The following ARHGEF10 variants were observed in gnomAD, a reference collection of about 807,000 sequenced individuals.
ARHGEF10 encodes Rho guanine nucleotide exchange factor (GEF) 10.
A neutral mutation model predicts 147.4 loss-of-function variants in ARHGEF10; 140 were observed. The ratio of observed to expected loss-of-function variants is 0.95; its 90% CI spans 0.83 to 1.09. The LOEUF (loss-of-function observed/expected upper bound fraction) is 1.09. Among genes scored for constraint, ARHGEF10 ranks in the 50% least tolerant of loss-of-function variants. The pLI, the probability that ARHGEF10 is intolerant of heterozygous loss-of-function variation, is 0.00. For synonymous variants in ARHGEF10, 902 were observed against 695.8 expected, an observed-to-expected ratio of 1.30 and a Z score of -4.67; for missense variants, 2,222 against 1,752.7, an observed-to-expected ratio of 1.27 and a Z score of -4.78.
intron 18 of ARHGEF10, among the ~76,000 whole-genome samples, chr8:1,917,043 T>A (rs149189172): frequency 6.6e-6 from 1 of 152,256 alleles, no homozygotes; most frequent in African/African-American, 2.4e-5. Context: ...TTCCTCATGA[T>A]TGAAACTGAG....
rs748666834 is a variant in ARHGEF10 at position 1,896,490 on chromosome 8, G to T, written c.1557+41G>T. The T allele has an allele frequency of 2.0e-5, 27 of 1,361,250 alleles. 1 individual carries two copies. Among genetic ancestry groups the T allele is most frequent in the Middle Eastern group, 1.8e-4 (1 of 5,576 alleles). 84.3% of individuals were successfully genotyped at this position (1,361,250 alleles called of 1,614,324 possible). ...TTTCATTTGGGTTTTAACACCATCT[G>T]ATAACAAGTTACATGTCAAAGCTTG... On this transcript the variant is annotated intron_variant, in intron 14 of 28. Coordinates refer to ENST00000349830, the MANE Select transcript of ARHGEF10 (RefSeq NM_014629.4).
chr8:1,864,332 G>A (rs752266872), intron 4 of ARHGEF10, 41 bp from the exon 5 acceptor site: 4 of 1,601,674 alleles, frequency 2.5e-6, no homozygotes, highest in Admixed American at 1.7e-5. Context: ...GAGCATTTTT[G>A]TCAGGCGTAA....
At chr8:1,939,946 A>G (rs1813946287) in intron 26 of ARHGEF10, among the ~76,000 whole-genome samples, 2 of 152,208 alleles carry the variant, frequency 1.3e-5, no homozygotes, top group Admixed American at 6.5e-5. Context: ...GACGGTGCTG[A>G]GCCATTGAAG....
intron 1 of ARHGEF10, among the ~76,000 whole-genome samples, chr8:1,828,821 A>C (rs1330322460): frequency 1.3e-5 from 2 of 151,946 alleles, no homozygotes; most frequent in African/African-American, 2.4e-5. Flanking sequence ...ATGCACACTT[A>C]CGGTTTTAAG....
At chr8:1,950,539 T>G (rs1814948045) in intron 27 of ARHGEF10, among the ~76,000 whole-genome samples, 2 of 151,976 alleles carry the variant, frequency 1.3e-5, no homozygotes, top group African/African-American at 4.8e-5. Flanking sequence ...TATTTATTTA[T>G]TTATTTATTT....
chr8:1,935,512 C>T (rs1013785931), intron 26 of ARHGEF10, among the ~76,000 whole-genome samples: 1 of 152,212 alleles, frequency 6.6e-6, no homozygotes, highest in Non-Finnish European at 1.5e-5. Context: ...TTCAGATTGA[C>T]AGAAGGTAAA....
At chr8:1,884,669 G>T (rs1377204129) in intron 10 of ARHGEF10, among the ~76,000 whole-genome samples, 1 of 152,122 alleles carries the variant, frequency 6.6e-6, no homozygotes, top group Non-Finnish European at 1.5e-5. Context: ...AAAAACTCAG[G>T]TTTCTATCAT....
rs577370213 is a variant in ARHGEF10, at chr8:1,853,443, A to ATCTCCTGAGATGCTT, written c.38-4514_38-4500dup. Among the ~76,000 whole-genome samples the ATCTCCTGAGATGCTT allele has an allele frequency of 2.7e-4, 41 of 152,376 alleles. 1 individual carries two copies. The South Asian group carries it at 7.9e-3, about 29-fold the overall frequency. ...GTCGTCTCAAACTACAACACGTTGT[A>ATCTCCTGAGATGCTT]TCTCCTGAGATGCTTTCAGCAGCCC... On this transcript the variant is annotated intron_variant, in intron 2 of 28. Transcript: ENST00000349830.
At chr8:1,947,231 G>A (rs772202142) in intron 27 of ARHGEF10, among the ~76,000 whole-genome samples, 17 of 152,100 alleles carry the variant, frequency 1.1e-4, no homozygotes, top group Non-Finnish European at 1.9e-4. Flanking sequence ...AGGTGAGGAG[G>A]GTGTTATGAG....
rs766013476 is a variant in ARHGEF10 at position 1,929,325 on chromosome 8, G to C, written c.2961G>C (p.Val987=). 1 of 1,614,004 alleles carries C rather than the reference G, an allele frequency of 6.2e-7. No homozygotes were observed. The highest frequency in any genetic ancestry group is 8.5e-7 in the Non-Finnish European group (1 of 1,180,046). The change falls in exon 25 of 29, where the codon GTG becomes GTC. Residue 987 remains valine (V), a synonymous_variant. Transcript: ENST00000349830. ...IYKSSQGSKK[V]RLQHFFTPEK... is the part of the protein sequence containing the mutation. ...AAAGCAGTCAAGGCTCCAAGAAAGTGAGACTTCAGCACTTTTTCACTCCTG... is the reference window on the plus strand; with the variant it reads ...AAAGCAGTCAAGGCTCCAAGAAAGTCAGACTTCAGCACTTTTTCACTCCTG...
intron 8 of ARHGEF10, among the ~76,000 whole-genome samples, chr8:1,879,183 G>T (rs1807966699): frequency 6.6e-6 from 1 of 152,188 alleles, no homozygotes; most frequent in Non-Finnish European, 1.5e-5. Flanking sequence ...AGCCAGTGGG[G>T]CCTCAGCCAC....
chr8:1,850,069 C>T (rs1249863266), intron 2 of ARHGEF10, among the ~76,000 whole-genome samples: 1 of 98,790 alleles, frequency 1.0e-5, no homozygotes, highest in African/African-American at 3.7e-5. Context: ...GGGCCGGCTG[C>T]GTGGACACAG....
intron 11 of ARHGEF10, among the ~76,000 whole-genome samples, chr8:1,887,821 G>A (rs943172010): frequency 7.2e-6 from 1 of 138,980 alleles, no homozygotes; most frequent in Non-Finnish European, 1.6e-5. Flanking sequence ...ATGCTGAGGA[G>A]AGGTGAAAGT....
At chr8:1,932,172 C>G (rs1813199404) in intron 25 of ARHGEF10, among the ~76,000 whole-genome samples, 1 of 152,106 alleles carries the variant, frequency 6.6e-6, no homozygotes, top group Non-Finnish European at 1.5e-5. Flanking sequence ...TGCCCTGAGC[C>G]CACATATTTC....
rs367786149 is a variant in ARHGEF10, at chr8:1,909,265, C to T, written c.1968-30C>T. ...ACCATAACGTGTTCATGTAATTATT[C>T]GTAAAACAAGGATCTTTTGGTCGTT... On this transcript the variant is annotated intron_variant, in intron 17 of 28. Coordinates refer to ENST00000349830, the MANE Select transcript of ARHGEF10 (RefSeq NM_014629.4). 4.5e-5 allele frequency: 72 copies of T among 1,613,966 alleles called. 1 individual carries two copies. The highest frequency in any genetic ancestry group is 1.6e-4 in the Middle Eastern group (1 of 6,084).
At chr8:1,886,321 G>A (rs1808652621) in intron 11 of ARHGEF10, among the ~76,000 whole-genome samples, 2 of 152,164 alleles carry the variant, frequency 1.3e-5, no homozygotes, top group Non-Finnish European at 1.5e-5. Context: ...TCCCACATGG[G>A]CAGCGAGGTG....
chr8:1,873,189 G>A (rs1030106415), intron 7 of ARHGEF10, among the ~76,000 whole-genome samples: 6 of 152,302 alleles, frequency 3.9e-5, no homozygotes, highest in African/African-American at 1.4e-4. Context: ...AACTCACGCC[G>A]CCGCAGGAGG....
intron 8 of ARHGEF10, among the ~76,000 whole-genome samples, chr8:1,877,671 C>T (rs1451289870): frequency 6.8e-6 from 1 of 146,554 alleles, no homozygotes; most frequent in Admixed American, 7.1e-5. Context: ...AGGAACCATT[C>T]AGCTGAGGCA....
intron 7 of ARHGEF10, 26 bp downstream of exon 7, chr8:1,869,276 G>A: frequency 6.2e-7 from 1 of 1,605,536 alleles, no homozygotes; most frequent in African/African-American, 1.3e-5. Context: ...GAATTGATTT[G>A]AGGAGATTCA....
Sources: allele counts gnomAD v4.1 joint callset (sites outside exome capture counted in the v4.1 genomes callset), GRCh38; gene constraint gnomAD v4.1.1; transcripts MANE v1.5; gene names NCBI Gene and HGNC (gene_info 2026-07-23, HGNC 2026-07-21).